SLC1A3: variants seen among roughly 807,000 people sequenced by gnomAD.
SLC1A3 encodes the protein excitatory amino acid transporter 1.
A neutral mutation model predicts 48.1 loss-of-function variants in SLC1A3; 21 were observed. The observed-to-expected ratio is 0.44, with a 90% CI of 0.31 to 0.63. The LOEUF (loss-of-function observed/expected upper bound fraction) is 0.63. Ranked by LOEUF, SLC1A3 falls within the 20% of genes least tolerant of loss-of-function variation. SLC1A3 has a pLI of 0.08. For synonymous variants in SLC1A3, 239 were observed against 251.4 expected (o/e 0.95, Z 0.47); for missense variants, 546 against 689.0 (o/e 0.79, Z 2.32).
chr5:36,664,068 A>G (rs191406059), intron 3 of SLC1A3, among the ~76,000 whole-genome samples: 48 of 152,340 alleles, frequency 3.2e-4, no homozygotes, highest in African/African-American at 1.1e-3. Flanking sequence ...TGGACAGCCC[A>G]AGATCATAGG....
At chr5:36,603,365 C>A (rs1368685866), upstream of SLC1A3, among the ~76,000 whole-genome samples, 1 of 152,194 alleles carries the variant, frequency 6.6e-6, no homozygotes, top group Non-Finnish European at 1.5e-5. Flanking sequence ...TCTGTTGGGC[C>A]CTGTCCTGGC....
intron 3 of SLC1A3, among the ~76,000 whole-genome samples, chr5:36,642,524 T>C (rs893669186): frequency 2.0e-5 from 3 of 152,226 alleles, no homozygotes; most frequent in African/African-American, 7.2e-5. Context: ...GTTTATCTTA[T>C]TTCAAGTTTG....
intron 1 of SLC1A3, among the ~76,000 whole-genome samples, chr5:36,607,988 A>G (rs1177930346): frequency 4.6e-5 from 7 of 151,600 alleles, no homozygotes; most frequent in Non-Finnish European, 1.0e-4. Context: ...ACATTTACTG[A>G]TTGTGTACGT....
intron 3 of SLC1A3, among the ~76,000 whole-genome samples, chr5:36,652,183 G>C (rs1741107280): frequency 6.6e-6 from 1 of 152,204 alleles, no homozygotes; most frequent in Non-Finnish European, 1.5e-5. Context: ...GAAGTCGTGT[G>C]TGCCTGCTGT....
chr5:36,660,123 T>C (rs1253846687), intron 3 of SLC1A3, among the ~76,000 whole-genome samples: 7 of 152,370 alleles, frequency 4.6e-5, no homozygotes, highest in Admixed American at 6.5e-5. Flanking sequence ...TATATCCATC[T>C]ACCAATTGTG....
intron 3 of SLC1A3, among the ~76,000 whole-genome samples, chr5:36,633,820 C>T (rs1428560476): frequency 6.6e-6 from 1 of 152,110 alleles, no homozygotes; most frequent in Admixed American, 6.6e-5. Flanking sequence ...TTCTTTAAAC[C>T]AACATACTCT....
chr5:36,681,828 A>T (rs7721587), intron 8 of SLC1A3, among the ~76,000 whole-genome samples: 20,669 of 152,066 alleles, frequency 0.14, 1,492 homozygotes, highest in Middle Eastern at 0.2. Context: ...GGTTTTTTTT[A>T]AATTGTTATT....
At position 36,640,615 on chromosome 5, in the gene SLC1A3, T is replaced by C. The variant is rs146142508; in HGVS notation, c.319+11028T>C. Among the ~76,000 whole-genome samples, 261 of 152,342 alleles carry C rather than the reference T, an allele frequency of 1.7e-3. 4 individuals carry two copies. Among genetic ancestry groups the C allele is most frequent in the African/African-American group, 5.9e-3 (247 of 41,574 alleles). On this transcript the variant is annotated intron_variant, in intron 3 of 9. Transcript: ENST00000265113. ...GGCCAGTAGCTGAGTTTTGTGATTC[T>C]GAGGATAAGTAATAAGTCAAAAAGA...
chr5:36,615,295 C>G (rs550034690), intron 2 of SLC1A3, among the ~76,000 whole-genome samples: 15 of 152,296 alleles, frequency 9.8e-5, no homozygotes, highest in African/African-American at 2.4e-4. Flanking sequence ...CTTCCAACTC[C>G]AAAATTCTAT....
chr5:36,634,802 T>C (rs2111777228), intron 3 of SLC1A3, among the ~76,000 whole-genome samples: 1 of 152,326 alleles, frequency 6.6e-6, no homozygotes, highest in Admixed American at 6.5e-5. Context: ...ACTCAATGAC[T>C]GTTGAAGGCA....
intron 3 of SLC1A3, among the ~76,000 whole-genome samples, chr5:36,640,335 A>G (rs930497678): frequency 2.0e-5 from 3 of 152,358 alleles, no homozygotes; most frequent in Admixed American, 6.5e-5. Context: ...GATCCTTGCA[A>G]TAATCTCAGA....
In SLC1A3 at chr5:36,651,140, TTAA is replaced by T. The variant is rs1179737807; in HGVS notation, c.320-19888_320-19886del. 1.5e-3 allele frequency among the ~76,000 whole-genome samples: 76 copies of T among 52,412 alleles called. 1 individual carries two copies. Among genetic ancestry groups the T allele is most frequent in the Admixed American group, 4.0e-3 (19 of 4,742 alleles). The allele number at this position is 52,412 out of a possible 152,430, so 34.4% of individuals were successfully genotyped here. A position where few individuals can be genotyped will look rare whatever the true frequency, so the allele number is the denominator to read the frequency against. On this transcript the variant is annotated intron_variant, in intron 3 of 9. Transcript: ENST00000265113. ...TAAGAGTAGGGAAACTAAGTTTTTT[TTAA>T]AAAAAAAAAAAAAAAAAAAAAAAGG...
At position 36,675,239 on chromosome 5, in the gene SLC1A3, C is replaced by T. The variant is rs990776200; in HGVS notation, c.567+1148C>T. 6.3e-5 allele frequency among the ~76,000 whole-genome samples: 8 copies of T among 127,996 alleles called. 1 individual carries two copies. In the South Asian group the frequency reaches 1.5e-3, roughly 24 times the overall value. The allele number at this position is 127,996 out of a possible 152,430, so 84.0% of individuals were successfully genotyped here. On this transcript the variant is annotated intron_variant, in intron 5 of 9. Coordinates refer to ENST00000265113, the MANE Select transcript of SLC1A3 (RefSeq NM_004172.5). ...CATGCACACATTGAAACATTCAAAC[C>T]AAATTCTTTCTTTAAAAAAAAAAAT...
In SLC1A3 at chr5:36,688,044, C is replaced by T. The variant is rs1742725956; in HGVS notation, c.*1775C>T. 6.6e-6 allele frequency: 1 copy of T among 152,198 alleles called. No individual in the cohort carries two copies. Among genetic ancestry groups the T allele is most frequent in the South Asian group, 2.1e-4 (1 of 4,830 alleles). 9.4% of individuals were successfully genotyped at this position (152,198 alleles called of 1,614,324 possible). A position where few individuals can be genotyped will look rare whatever the true frequency, so the allele number is the denominator to read the frequency against. Reference sequence around the variant, plus strand: ...TAAAAGTTAACATTAGGCTGTGGTGCAGTAACCATTTAATGTCGAGGCTCT... The same window carrying T: ...TAAAAGTTAACATTAGGCTGTGGTGTAGTAACCATTTAATGTCGAGGCTCT... On this transcript the variant is annotated 3_prime_UTR_variant, in exon 10 of 10. Transcript: ENST00000265113.
intron 2 of SLC1A3, among the ~76,000 whole-genome samples, chr5:36,619,255 G>T (rs961313596): frequency 6.6e-6 from 1 of 152,196 alleles, no homozygotes; most frequent in Non-Finnish European, 1.5e-5. Flanking sequence ...ACCAGGAAAC[G>T]CCTGAAAGTT....
In SLC1A3 at chr5:36,608,578, T is replaced by C. The variant is rs138011127; in HGVS notation, c.155T>C (p.Leu52Pro). 1.9e-6 allele frequency: 3 copies of C among 1,613,864 alleles called. No individual in the cohort carries two copies. The highest frequency in any genetic ancestry group is 2.7e-5 in the African/African-American group (2 of 74,906). ...KSYLFRNAFV[L>P]LTVTAVIVGT... The stretch of plus-strand genomic sequence containing the variant: ...TACCTGTTTCGGAATGCTTTTGTGC[T>C]GCTCACAGTCACCGCTGTCATTGTG... The change falls in exon 2 of 10, where the codon CTG becomes CCG. Residue 52 changes from leucine to proline, a missense_variant. Around this residue, in one of 3 missense-constraint regions of SLC1A3, gnomAD observed 348 missense variants for 392.0 expected, o/e 0.89. Transcript: ENST00000265113.
At chr5:36,598,338 A>C (rs1738767656) in intron 1 of SLC1A3, among the ~76,000 whole-genome samples, 1 of 152,240 alleles carries the variant, frequency 6.6e-6, no homozygotes, top group Admixed American at 6.5e-5. Flanking sequence ...CTGACACATA[A>C]GTCTTTTCAA....
intron 9 of SLC1A3, among the ~76,000 whole-genome samples, chr5:36,684,690 G>A (rs973075025): frequency 1.3e-5 from 2 of 152,184 alleles, no homozygotes; most frequent in African/African-American, 4.8e-5. Context: ...GTACGTGTTG[G>A]AGTTAACACA....
chr5:36,661,636 C>T (rs1741519929), intron 3 of SLC1A3, among the ~76,000 whole-genome samples: 2 of 152,234 alleles, frequency 1.3e-5, no homozygotes, highest in South Asian at 2.1e-4. Context: ...GAATCTGCTG[C>T]TTCCCAGCCT....
Sources: gnomAD v4.1 joint callset for allele counts (sites outside exome capture counted in the v4.1 genomes callset) on GRCh38, gnomAD v4.1.1 for gene constraint, gnomAD v4.1.1 regional missense constraint, MANE v1.5 for transcripts, NCBI Gene and HGNC (gene_info 2026-07-23, HGNC 2026-07-21) for gene names.